The following HOOK2 variants were observed in gnomAD, a reference collection of about 807,000 sequenced individuals.
The protein encoded by HOOK2 is hook microtubule tethering protein 2, also known as protein Hook homolog 2.
HOOK2 carries 108 observed loss-of-function variants against 111.9 expected under a neutral mutation model. The ratio of observed to expected loss-of-function variants is 0.96; its 90% CI spans 0.83 to 1.13. The LOEUF (loss-of-function observed/expected upper bound fraction) is 1.13. Among genes scored for constraint, HOOK2 ranks in the 50% most tolerant of loss-of-function variants. HOOK2 has a pLI of 0.00. For missense variants in HOOK2, 978 were observed against 951.3 expected (o/e 1.03, Z -0.37); for synonymous variants, 405 against 394.3 (o/e 1.03, Z -0.32).
chr19:12,791,255 C>T lies in HOOK2; in HGVS notation n.42-17030G>A, dbSNP rs1447810471. Among the ~76,000 whole-genome samples, 1 of 152,168 alleles carries T rather than the reference C, an allele frequency of 6.6e-6. No homozygotes were observed. The highest frequency in any genetic ancestry group is 1.9e-4 in the East Asian group (1 of 5,182). On this transcript the variant is annotated intron_variant and non_coding_transcript_variant, in intron 3 of 3. Transcript: ENST00000589765. The surrounding 1 kb of genome is among the most constrained non-coding windows in gnomAD (Gnocchi z 7.0). ...GGGCCCCCCAGCACCTCCTTCCATG[C>T]GTACCCCGAGGTCCTTTGAGCCCCT...
upstream of HOOK2, among the ~76,000 whole-genome samples, chr19:12,780,480 C>G (rs1192822915): frequency 6.6e-6 from 1 of 151,136 alleles, no homozygotes; most frequent in Non-Finnish European, 1.5e-5. Context: ...CCTCAGCCTC[C>G]CAAGTAGCTG....
chr19:12,792,111 G>A (rs1329014840), intron 3 of HOOK2: 6 of 1,599,662 alleles, frequency 3.8e-6, no homozygotes, highest in Non-Finnish European at 4.3e-6. Flanking sequence ...TTACCCCCGC[G>A]GGGGTGGCAG....
At chr19:12,769,203 G>A (rs1968243064) in intron 11 of HOOK2, among the ~76,000 whole-genome samples, 1 of 151,508 alleles carries the variant, frequency 6.6e-6, no homozygotes, top group Admixed American at 6.6e-5. Flanking sequence ...CTGACCTCGG[G>A]ATCCACCCGC....
Position 12,773,012 on chromosome 19 carries a change from T to G in HOOK2, c.237A>C (p.Leu79=), listed in dbSNP as rs1454969295. The G allele has an allele frequency of 2.7e-5, 43 of 1,613,974 alleles. No individual in the cohort carries two copies. Among genetic ancestry groups the G allele is most frequent in the Non-Finnish European group, 3.6e-5 (42 of 1,180,012 alleles). The change falls in exon 4 of 23, where the codon CTA becomes CTC. Residue 79 remains leucine (L), a synonymous_variant. Transcript: ENST00000397668. ...VSNLKMVLRS[L]VEYSQDVLAH... ...TACTCACATCCTGGGAGTACTCTACTAGGCTCCGTAAGACCATCTTCAGAT... is the reference window on the plus strand; with the variant it reads ...TACTCACATCCTGGGAGTACTCTACGAGGCTCCGTAAGACCATCTTCAGAT...
At chr19:12,771,134 T>A in intron 9 of HOOK2, 25 bp downstream of exon 9, 1 of 1,612,168 alleles carries the variant, frequency 6.2e-7, no homozygotes, top group East Asian at 2.2e-5. Context: ...CTGGCTTGCC[T>A]GGCCCAGTCC....
At position 12,772,681 on chromosome 19, in the gene HOOK2, C is replaced by T; in HGVS notation, c.389-1G>A. ...AGCGTCATGATTCTCTGGATGTGGT[C>T]TGGGGATCAAGGTGGGGGAGGCTGA... On this transcript the variant is annotated splice_acceptor_variant, in intron 5 of 22. Coordinates refer to ENST00000397668, the MANE Select transcript of HOOK2 (RefSeq NM_013312.3). LOFTEE classifies it high-confidence loss of function. 2 of 1,614,204 alleles carry T rather than the reference C, an allele frequency of 1.2e-6. No homozygotes were observed. The highest frequency in any genetic ancestry group is 8.5e-7 in the Non-Finnish European group (1 of 1,180,016).
At position 12,772,347 on chromosome 19, in the gene HOOK2, G is replaced by T. The variant is rs896088711; in HGVS notation, c.457-95C>A. ...AACCTGAGAACCTCTCCATCCTCCC[G>T]TCAAGGCCAGTTCTGCCCAATAACC... On this transcript the variant is annotated intron_variant, in intron 6 of 22. Coordinates refer to ENST00000397668, the MANE Select transcript of HOOK2 (RefSeq NM_013312.3). 6 of 1,362,970 alleles carry T rather than the reference G, an allele frequency of 4.4e-6. No homozygotes were observed. In the African/African-American group the frequency reaches 7.2e-5, roughly 16 times the overall value. 84.4% of individuals were successfully genotyped at this position (1,362,970 alleles called of 1,614,324 possible).
In HOOK2 at chr19:12,790,760, G is replaced by A. The variant is rs1214747030; in HGVS notation, n.42-16535C>T. ...TTTTACCTGCCTCAGTGTACCCCAG[G>A]CCGCTTACTAGCTTTCTGCATATCT... On this transcript the variant is annotated intron_variant and non_coding_transcript_variant, in intron 3 of 3. Coordinates refer to the HOOK2 transcript ENST00000589765. The surrounding 1 kb of genome is among the most constrained non-coding windows in gnomAD (Gnocchi z 7.2). 2.0e-5 allele frequency among the ~76,000 whole-genome samples: 3 copies of A among 152,136 alleles called. No homozygotes were observed. Among genetic ancestry groups the A allele is most frequent in the Admixed American group, 6.5e-5 (1 of 15,272 alleles).
Position 12,770,999 on chromosome 19 carries a change from G to T in HOOK2, c.835C>A (p.Arg279=). 1 of 1,612,406 alleles carries T rather than the reference G, an allele frequency of 6.2e-7. No homozygotes were observed. Among genetic ancestry groups the T allele is most frequent in the Non-Finnish European group, 8.5e-7 (1 of 1,179,586 alleles). The stretch of plus-strand genomic sequence containing the variant: ...GCCAGGCTAGTCAGCGCCTGGTTCC[G>T]GTGCTGCAGCTCCGCAACCTCCCTC... ...LEREVAELQH[R]NQALTSLAQE... The change falls in exon 10 of 23, where the codon CGG becomes AGG. Residue 279 remains arginine (R), a synonymous_variant. Coordinates refer to ENST00000397668, the MANE Select transcript of HOOK2 (RefSeq NM_013312.3).
rs1968694516 is a variant in HOOK2 at position 12,790,093 on chromosome 19, C to T, written n.42-15868G>A. Reference sequence around the variant, plus strand: ...GCCAATGGAACACTCCCCAAGCCGCCTGCCTCCGCGGTCCCCTGCAGGCAC... The same window carrying T: ...GCCAATGGAACACTCCCCAAGCCGCTTGCCTCCGCGGTCCCCTGCAGGCAC... On this transcript the variant is annotated intron_variant and non_coding_transcript_variant, in intron 3 of 3. Transcript: ENST00000589765. The surrounding 1 kb of genome is among the most constrained non-coding windows in gnomAD (Gnocchi z 7.2). Among the ~76,000 whole-genome samples, 2 of 152,232 alleles carry T rather than the reference C, an allele frequency of 1.3e-5. No individual in the cohort carries two copies. Among genetic ancestry groups the T allele is most frequent in the African/African-American group, 4.8e-5 (2 of 41,456 alleles).
rs372014718 is a variant in HOOK2 at position 12,763,725 on chromosome 19, T to C, written c.1881A>G (p.Glu627=). Residue 627 remains glutamate, a synonymous_variant, in exon 21 of 23, where the codon GAA becomes GAG. Transcript: ENST00000397668. ...KQRPAAGAPP[E]LHSLRTQLRE... ...GGAGCTGTGTCCTCAGGGAATGGAG[T>C]TCTGGAGGTGCCCCCGCAGCTGGCC... The C allele has an allele frequency of 6.2e-7, 1 of 1,614,082 alleles. No individual in the cohort carries two copies. The highest frequency in any genetic ancestry group is 8.5e-7 in the Non-Finnish European group (1 of 1,179,994).
At chr19:12,764,361 G>A (rs1968087870) in intron 20 of HOOK2, 1 of 113,832 alleles carries the variant, frequency 8.8e-6, no homozygotes, top group South Asian at 2.7e-4. Flanking sequence ...ATGGACTCTT[G>A]CCCTGTCGCC....
intron 13 of HOOK2, 138 bp from the exon 14 acceptor site, chr19:12,767,602 G>C (rs1040612139): frequency 3.4e-6 from 3 of 885,402 alleles, no homozygotes; most frequent in South Asian, 3.1e-5. Context: ...TCCCCGGCTT[G>C]ATAGAGAACC....
At position 12,790,815 on chromosome 19, in the gene HOOK2, A is replaced by G. The variant is rs77647455; in HGVS notation, n.42-16590T>C. Among the ~76,000 whole-genome samples the G allele has an allele frequency of 0.011, 1,666 of 152,278 alleles. 29 individuals carry two copies. Among genetic ancestry groups the G allele is most frequent in the African/African-American group, 0.038 (1,583 of 41,566 alleles). Reference sequence around the variant, plus strand: ...TTCCCCTAATGCCTCCTTCCCGCTTACGGGAGAGCCTCAGACTCTGGACTC... The same window carrying G: ...TTCCCCTAATGCCTCCTTCCCGCTTGCGGGAGAGCCTCAGACTCTGGACTC... On this transcript the variant is annotated intron_variant and non_coding_transcript_variant, in intron 3 of 3. Transcript: ENST00000589765. The surrounding 1 kb of genome is among the most constrained non-coding windows in gnomAD (Gnocchi z 7.2).
At position 12,786,198 on chromosome 19, in the gene HOOK2, G is replaced by A. The variant is rs530596642; in HGVS notation, n.42-11973C>T. ...CAGGAGTTCCTGGGGGAGGGCTCCTGCCGGGCCTCAGATCCACACCCAGGG... is the reference window on the plus strand; with the variant it reads ...CAGGAGTTCCTGGGGGAGGGCTCCTACCGGGCCTCAGATCCACACCCAGGG... On this transcript the variant is annotated intron_variant and non_coding_transcript_variant, in intron 3 of 3. Coordinates refer to the HOOK2 transcript ENST00000589765. This position sits in a 1 kb window ranked among gnomAD's most constrained non-coding sequence, Gnocchi z 4.3. Among the ~76,000 whole-genome samples the A allele has an allele frequency of 2.0e-5, 3 of 152,218 alleles. No individual in the cohort carries two copies. In the South Asian group the frequency reaches 6.2e-4, roughly 32 times the overall value.
chr19:12,764,685 G>C, intron 20 of HOOK2, 129 bp downstream of exon 20: 1 of 740,836 alleles, frequency 1.3e-6, no homozygotes, highest in South Asian at 1.6e-5. Context: ...GCAGAAGTCT[G>C]TCTTATGGTG....
rs775001982 is a variant in HOOK2 at position 12,769,921 on chromosome 19, G to T, written c.1064C>A (p.Ala355Glu). 2 of 1,539,266 alleles carry T rather than the reference G, an allele frequency of 1.3e-6. No individual in the cohort carries two copies. The highest frequency in any genetic ancestry group is 1.2e-5 in the South Asian group (1 of 83,384). ...TRQLEDELRR[A>E]GSLRAQLEAQ... is the part of the protein sequence containing the mutation. ...CTCCAGCTGGGCGCGCAGGGAGCCC[G>T]CTCGGCGTAGCTCATCCTCCAGTTG... is the stretch of plus-strand genomic sequence containing the variant. Residue 355 changes from alanine to glutamate, a missense_variant, in exon 11 of 23, where the codon GCG becomes GAG. Ala to Glu is a moderately radical substitution (Grantham distance 107). Around this residue, in one of 5 missense-constraint regions of HOOK2, gnomAD observed 388 missense variants for 358.3 expected, o/e 1.08. Transcript: ENST00000397668.
chr19:12,778,308 A>G (rs1040200131), upstream of HOOK2: 2 of 151,948 alleles, frequency 1.3e-5, no homozygotes, highest in Non-Finnish European at 2.9e-5. Flanking sequence ...ACCCCCAGAC[A>G]CCCGATTACA....
At chr19:12,774,294 T>G (rs1003237519) in intron 3 of HOOK2, 21 of 282,950 alleles carry the variant, frequency 7.4e-5, no homozygotes, top group African/African-American at 4.3e-4. Context: ...TTAGTAGAGA[T>G]GGGGTTTCAA....
Sources: gnomAD v4.1 joint callset for allele counts (sites outside exome capture counted in the v4.1 genomes callset) on GRCh38, gnomAD v4.1.1 for gene constraint, gnomAD v4.1.1 regional missense constraint, Gnocchi (gnomAD v3.1) non-coding constraint, MANE v1.5 for transcripts, NCBI Gene and HGNC (gene_info 2026-07-23, HGNC 2026-07-21) for gene names.